LPP: variants seen among roughly 807,000 people sequenced by gnomAD.
LPP encodes LIM domain containing preferred translocation partner in lipoma, also known as lipoma-preferred partner.
A neutral mutation model predicts 60.4 loss-of-function variants in LPP; 38 were observed. The ratio of observed to expected loss-of-function variants is 0.63; its 90% CI spans 0.49 to 0.83. The LOEUF is 0.83. LPP is among the 40% of genes least tolerant of loss of function. The pLI, the probability that LPP is intolerant of heterozygous loss-of-function variation, is 0.00. For synonymous variants in LPP, 328 were observed against 290.8 expected (o/e 1.13, Z -1.30); for missense variants, 902 against 783.6 (o/e 1.15, Z -1.80).
chr3:188,851,018 A>G (rs756356028), intron 9 of LPP, among the ~76,000 whole-genome samples: 21 of 152,256 alleles, frequency 1.4e-4, no homozygotes, highest in Non-Finnish European at 2.8e-4. Context: ...AGTAGGGCCA[A>G]TGGGGAAGAA....
chr3:188,597,073 T>A (rs1361423977), intron 6 of LPP, among the ~76,000 whole-genome samples: 1 of 152,176 alleles, frequency 6.6e-6, no homozygotes, highest in African/African-American at 2.4e-5. Flanking sequence ...CATTCTGGTG[T>A]GAGGTTAGGA....
intron 4 of LPP, among the ~76,000 whole-genome samples, chr3:188,409,103 TGGATGGCTGGC>T (rs1784332767): frequency 6.6e-6 from 1 of 152,194 alleles, no homozygotes. Context: ...CATATATATT[TGGATGGCTGGC>T]GGATGGCTGG....
At chr3:188,817,483 A>T (rs75707005) in intron 9 of LPP, among the ~76,000 whole-genome samples, 3,545 of 152,348 alleles carry the variant, frequency 0.023, 122 homozygotes, top group African/African-American at 0.08. Flanking sequence ...ACAAATGGAT[A>T]TAACAAACTG....
intron 5 of LPP, among the ~76,000 whole-genome samples, chr3:188,504,469 C>T (rs895180969): frequency 6.6e-6 from 1 of 151,988 alleles, no homozygotes; most frequent in Non-Finnish European, 1.5e-5. Context: ...TTGAATAGAC[C>T]GTGCTATCCT....
At chr3:188,743,216 T>C (rs1560143819) in intron 8 of LPP, among the ~76,000 whole-genome samples, 1 of 152,148 alleles carries the variant, frequency 6.6e-6, no homozygotes, top group Non-Finnish European at 1.5e-5. Flanking sequence ...ATTTTATTTG[T>C]ATTAATTTAC....
At chr3:188,778,231 G>T (rs1042982519) in intron 9 of LPP, among the ~76,000 whole-genome samples, 1 of 152,140 alleles carries the variant, frequency 6.6e-6, no homozygotes, top group African/African-American at 2.4e-5. Context: ...ATGAAGTTAT[G>T]ATTAAATTTG....
Position 188,215,041 on chromosome 3 carries a change from C to T in LPP, c.-189-10364C>T, listed in dbSNP as rs139705144. ...CAGTTCAAGCCTGGGCATGGTGGCT[C>T]ACGCCTGTAATCCCAGCACTTTGAG... On this transcript the variant is annotated intron_variant, in intron 1 of 11. Coordinates refer to ENST00000617246, the MANE Select transcript of LPP (RefSeq NM_001375462.1). 3.2e-3 allele frequency among the ~76,000 whole-genome samples: 481 copies of T among 152,220 alleles called. 4 individuals carry two copies. Among genetic ancestry groups the T allele is most frequent in the African/African-American group, 0.011 (462 of 41,542 alleles).
chr3:188,868,438 T>C (rs1489673419), intron 10 of LPP, among the ~76,000 whole-genome samples: 1 of 152,076 alleles, frequency 6.6e-6, no homozygotes, highest in East Asian at 1.9e-4. Flanking sequence ...CTTGAGCAAC[T>C]AAAAGGGGGA....
intron 2 of LPP, among the ~76,000 whole-genome samples, chr3:188,309,272 T>C (rs549178073): frequency 5.2e-4 from 79 of 152,160 alleles, no homozygotes; most frequent in Admixed American, 5.2e-3. Flanking sequence ...CCACCTGCCT[T>C]GCCCTCCCAA....
chr3:188,292,495 G>C (rs2150057315), intron 2 of LPP, among the ~76,000 whole-genome samples: 2 of 152,304 alleles, frequency 1.3e-5, no homozygotes, highest in South Asian at 4.1e-4. Flanking sequence ...TCAGAATATA[G>C]AGCAAGAGGG....
chr3:188,772,487 T>C (rs916919386), intron 9 of LPP, among the ~76,000 whole-genome samples: 1 of 152,002 alleles, frequency 6.6e-6, no homozygotes, highest in Non-Finnish European at 1.5e-5. Context: ...TCACCCTTTT[T>C]TCTTTTCTTT....
chr3:188,347,798 A>C (rs532425671), intron 3 of LPP, among the ~76,000 whole-genome samples: 1 of 152,198 alleles, frequency 6.6e-6, no homozygotes, highest in Non-Finnish European at 1.5e-5. Flanking sequence ...GGCAGGTCAG[A>C]GATGGAAGAC....
intron 2 of LPP, among the ~76,000 whole-genome samples, chr3:188,246,790 A>G (rs981842309): frequency 2.0e-5 from 3 of 152,226 alleles, no homozygotes; most frequent in African/African-American, 7.2e-5. Flanking sequence ...ATTTGTAAAT[A>G]GGGAAATGGA....
intron 1 of LPP, among the ~76,000 whole-genome samples, chr3:188,169,828 C>T (rs749874979): frequency 6.6e-6 from 1 of 152,166 alleles, no homozygotes; most frequent in Non-Finnish European, 1.5e-5. Context: ...AGACATTCAC[C>T]CTAGTAACTA....
At chr3:188,695,457 A>G (rs958218924) in intron 7 of LPP, among the ~76,000 whole-genome samples, 1 of 152,204 alleles carries the variant, frequency 6.6e-6, no homozygotes, top group African/African-American at 2.4e-5. Context: ...AAAGACATCC[A>G]TAGCTCATAT....
intron 8 of LPP, among the ~76,000 whole-genome samples, chr3:188,752,863 G>C (rs1044801040): frequency 6.6e-6 from 1 of 152,146 alleles, no homozygotes; most frequent in Non-Finnish European, 1.5e-5. Flanking sequence ...GAGTTGAAGG[G>C]TCAACACCCA....
At chr3:188,226,348 C>T (rs868758022) in intron 2 of LPP, among the ~76,000 whole-genome samples, 1 of 152,102 alleles carries the variant, frequency 6.6e-6, no homozygotes, top group Non-Finnish European at 1.5e-5. Context: ...GCAGAGCAGG[C>T]TAAATTTGCT....
At chr3:188,203,973 C>T (rs942658343) in intron 1 of LPP, among the ~76,000 whole-genome samples, 1 of 152,136 alleles carries the variant, frequency 6.6e-6, no homozygotes, top group Non-Finnish European at 1.5e-5. Context: ...CAAAGAGCTA[C>T]AGACATCTTC....
At chr3:188,532,901 G>A (rs965446469) in intron 6 of LPP, among the ~76,000 whole-genome samples, 7 of 152,134 alleles carry the variant, frequency 4.6e-5, no homozygotes, top group African/African-American at 9.7e-5. Context: ...TCTGAATGCT[G>A]TTCATCCTAT....
Sources: gnomAD v4.1 joint callset for allele counts (sites outside exome capture counted in the v4.1 genomes callset) on GRCh38, gnomAD v4.1.1 for gene constraint, MANE v1.5 for transcripts, NCBI Gene and HGNC (gene_info 2026-07-23, HGNC 2026-07-21) for gene names.